The following MYRIP variants were observed in gnomAD, a reference collection of about 807,000 sequenced individuals.
The protein encoded by MYRIP is rab effector MyRIP.
MYRIP carries 49 observed loss-of-function variants against 98.0 expected under a neutral mutation model. The observed-to-expected ratio is 0.50, with a 90% CI of 0.40 to 0.63. The LOEUF (loss-of-function observed/expected upper bound fraction) is 0.63, where lower values mean the gene tolerates loss of function less well. MYRIP is among the 30% of genes least tolerant of loss of function. The pLI is 0.00. For missense variants in MYRIP, 1,004 were observed against 1,058.2 expected (o/e 0.95, Z 0.71); for synonymous variants, 404 against 409.5 (o/e 0.99, Z 0.16).
intron 5 of MYRIP, among the ~76,000 whole-genome samples, chr3:40,164,475 C>G (rs1446914315): frequency 6.6e-6 from 1 of 152,188 alleles, no homozygotes; most frequent in African/African-American, 2.4e-5. Context: ...GCTCTTAAGG[C>G]CTTTCAGTGG....
intron 3 of MYRIP, among the ~76,000 whole-genome samples, chr3:40,117,188 C>T (rs1228105455): frequency 6.6e-6 from 1 of 152,110 alleles, no homozygotes; most frequent in Non-Finnish European, 1.5e-5. Context: ...CCTTTGGTGG[C>T]CAGTTTAGAA....
chr3:40,098,328 C>T (rs941239751), intron 3 of MYRIP, among the ~76,000 whole-genome samples: 1 of 152,132 alleles, frequency 6.6e-6, no homozygotes. Context: ...GTGGTATGAA[C>T]CCATTTGTAA....
At chr3:40,160,340 A>T (rs1026945704) in intron 4 of MYRIP, among the ~76,000 whole-genome samples, 1 of 152,264 alleles carries the variant, frequency 6.6e-6, no homozygotes, top group East Asian at 1.9e-4. Context: ...TTGAGGAGGC[A>T]GTCTGCCTGT....
At chr3:40,066,091 G>C (rs548024450) in intron 3 of MYRIP, among the ~76,000 whole-genome samples, 59 of 152,276 alleles carry the variant, frequency 3.9e-4, no homozygotes, top group Non-Finnish European at 7.4e-4. Context: ...GGCCATAATG[G>C]AAGAAGAGTT....
intron 3 of MYRIP, among the ~76,000 whole-genome samples, chr3:40,131,284 A>G (rs1949633075): frequency 6.6e-6 from 1 of 152,120 alleles, no homozygotes; most frequent in Non-Finnish European, 1.5e-5. Context: ...ACCAACTCTT[A>G]TCTATATTTA....
chr3:40,251,337 C>T (rs979041375), intron 15 of MYRIP, among the ~76,000 whole-genome samples: 1 of 152,294 alleles, frequency 6.6e-6, no homozygotes, highest in South Asian at 2.1e-4. Context: ...TTATTTGAAA[C>T]CCTTGGGTCC....
intron 8 of MYRIP, among the ~76,000 whole-genome samples, chr3:40,178,176 G>A (rs1950809799): frequency 6.6e-6 from 1 of 152,106 alleles, no homozygotes; most frequent in Admixed American, 6.6e-5. Context: ...GCTGCGGTTG[G>A]TGCCACAGGG....
intron 3 of MYRIP, among the ~76,000 whole-genome samples, chr3:40,085,001 T>TTA (rs1055790543): frequency 1.7e-4 from 26 of 151,034 alleles, no homozygotes; most frequent in Non-Finnish European, 3.5e-4. Context: ...TATATCTGTG[T>TTA]TATATATCGA....
chr3:40,143,263 C>T (rs1373245910), intron 3 of MYRIP, among the ~76,000 whole-genome samples: 3 of 152,178 alleles, frequency 2.0e-5, no homozygotes, highest in Non-Finnish European at 4.4e-5. Context: ...CAGGATTCCA[C>T]CCTGTCCTCT....
intron 2 of MYRIP, among the ~76,000 whole-genome samples, chr3:40,020,190 G>T (rs1423493493): frequency 2.6e-5 from 4 of 152,028 alleles, no homozygotes; most frequent in Admixed American, 2.6e-4. Flanking sequence ...CTGTCTTTAT[G>T]CTCAGGTGTG....
intron 3 of MYRIP, among the ~76,000 whole-genome samples, chr3:40,110,065 C>T (rs1413875597): frequency 6.6e-6 from 1 of 152,200 alleles, no homozygotes; most frequent in East Asian, 1.9e-4. Context: ...CACCATGGGC[C>T]TTACAGCCTG....
At chr3:40,056,316 G>A (rs1947884058) in intron 3 of MYRIP, among the ~76,000 whole-genome samples, 1 of 152,178 alleles carries the variant, frequency 6.6e-6, no homozygotes, top group South Asian at 2.1e-4. Context: ...TCCTGATTGA[G>A]AACATGGGAG....
chr3:39,889,437 C>A (rs905075162), intron 1 of MYRIP, among the ~76,000 whole-genome samples: 1 of 152,040 alleles, frequency 6.6e-6, no homozygotes, highest in Non-Finnish European at 1.5e-5. Flanking sequence ...GAACAAAAAA[C>A]CAAAGACCAC....
At chr3:40,212,225 TACACACACACACACACACAC>T (rs766775104) in intron 11 of MYRIP, among the ~76,000 whole-genome samples, 3,358 of 76,876 alleles carry the variant, frequency 0.044, 499 homozygotes, top group African/African-American at 0.12. Flanking sequence ...TATATATATA[TACACACACACACACACACAC>T]ATATATATAT....
intron 10 of MYRIP, among the ~76,000 whole-genome samples, chr3:40,191,924 C>T (rs1951221851): frequency 6.6e-6 from 1 of 152,050 alleles, no homozygotes; most frequent in Admixed American, 6.5e-5. Context: ...CCTCAACTAG[C>T]TTTCTATTTA....
chr3:39,843,821 C>A (rs1362023011), intron 1 of MYRIP, among the ~76,000 whole-genome samples: 1 of 152,182 alleles, frequency 6.6e-6, no homozygotes, highest in East Asian at 1.9e-4. Flanking sequence ...GCCCTCTACA[C>A]CCAATAGTGC....
chr3:40,071,541 T>A (rs950486136), intron 3 of MYRIP, among the ~76,000 whole-genome samples: 1 of 149,900 alleles, frequency 6.7e-6, no homozygotes, highest in African/African-American at 2.5e-5. Context: ...CAATTGATGA[T>A]TGGGGCACAA....
At chr3:39,884,840 T>C (rs1370103237) in intron 1 of MYRIP, among the ~76,000 whole-genome samples, 3 of 150,694 alleles carry the variant, frequency 2.0e-5, no homozygotes, top group Non-Finnish European at 3.0e-5. Flanking sequence ...GTAAGTGCAT[T>C]GTCTTTGTAG....
intron 1 of MYRIP, among the ~76,000 whole-genome samples, chr3:39,815,760 A>ACC (rs377116772): frequency 3.3e-3 from 509 of 152,096 alleles, no homozygotes; most frequent in Middle Eastern, 0.02. Flanking sequence ...GTGATAGTGG[A>ACC]CCTCCCAGTC....
Sources: gnomAD v4.1 joint callset for allele counts (sites outside exome capture counted in the v4.1 genomes callset) on GRCh38, gnomAD v4.1.1 for gene constraint, MANE v1.5 for transcripts, NCBI Gene and HGNC (gene_info 2026-07-23, HGNC 2026-07-21) for gene names.